The following PTPRD variants were observed in gnomAD, a reference collection of about 807,000 sequenced individuals.
PTPRD encodes protein tyrosine phosphatase receptor type D, also known as receptor-type tyrosine-protein phosphatase delta.
Under a neutral mutation model 214.5 loss-of-function variants are expected in PTPRD, and 34 were observed. The ratio of observed to expected loss-of-function variants is 0.16; its 90% CI spans 0.12 to 0.21. PTPRD has a LOEUF of 0.21. Among genes scored for constraint, PTPRD ranks in the 10% least tolerant of loss-of-function variants. PTPRD has a pLI of 1.00. For synonymous variants in PTPRD, 1,128 were observed against 845.7 expected, an observed-to-expected ratio of 1.33 and a Z score of -5.79; for missense variants, 2,545 against 2,398.7, an observed-to-expected ratio of 1.06 and a Z score of -1.27.
At chr9:10,438,291 A>G (rs1037504874) in intron 2 of PTPRD, among the ~76,000 whole-genome samples, 1 of 151,566 alleles carries the variant, frequency 6.6e-6, no homozygotes, top group Admixed American at 6.6e-5. Flanking sequence ...AGCATCTGGA[A>G]TTATAAGGGT....
intron 3 of PTPRD, among the ~76,000 whole-genome samples, chr9:10,306,136 G>A (rs1324914746): frequency 6.6e-6 from 1 of 151,928 alleles, no homozygotes; most frequent in African/African-American, 2.4e-5. Flanking sequence ...CATGGATGAA[G>A]CTGGAAACCA....
intron 3 of PTPRD, among the ~76,000 whole-genome samples, chr9:10,276,037 G>C (rs372766463): frequency 6.6e-6 from 1 of 152,156 alleles, no homozygotes; most frequent in Non-Finnish European, 1.5e-5. Context: ...TTGGACCTTA[G>C]TGACCCTGTA....
At chr9:10,336,185 A>G (rs2096841057) in intron 3 of PTPRD, among the ~76,000 whole-genome samples, 1 of 151,832 alleles carries the variant, frequency 6.6e-6, no homozygotes, top group Non-Finnish European at 1.5e-5. Context: ...TCTAATTAAT[A>G]AATGTGAATA....
chr9:10,384,587 G>T (rs1017746941), intron 2 of PTPRD, among the ~76,000 whole-genome samples: 1 of 151,506 alleles, frequency 6.6e-6, no homozygotes, highest in African/African-American at 2.4e-5. Context: ...CTAGTCAACA[G>T]AGTAAAATAT....
intron 10 of PTPRD, among the ~76,000 whole-genome samples, chr9:9,102,017 A>T (rs746344122): frequency 6.6e-6 from 1 of 152,204 alleles, no homozygotes; most frequent in Non-Finnish European, 1.5e-5. Flanking sequence ...TGCTTAACAT[A>T]AATGATCAAA....
intron 14 of PTPRD, among the ~76,000 whole-genome samples, chr9:8,547,641 T>TAAAAAAAAAAAA (rs759867541): frequency 9.0e-6 from 1 of 110,972 alleles, no homozygotes; most frequent in Non-Finnish European, 1.9e-5. Context: ...GAATCCTATT[T>TAAAAAAAAAAAA]AAAAAAAAAA....
chr9:9,321,993 T>C (rs1471684454), intron 9 of PTPRD, among the ~76,000 whole-genome samples: 1 of 152,212 alleles, frequency 6.6e-6, no homozygotes, highest in East Asian at 1.9e-4. Flanking sequence ...CTGGTAAGTA[T>C]TACAGTCTTA....
intron 10 of PTPRD, among the ~76,000 whole-genome samples, chr9:9,022,191 A>G (rs2099572324): frequency 6.6e-6 from 1 of 152,158 alleles, no homozygotes; most frequent in South Asian, 2.1e-4. Context: ...CAGTAAGCTA[A>G]GGTTAACTGA....
At chr9:8,739,497 C>A (rs2091363220) in intron 11 of PTPRD, among the ~76,000 whole-genome samples, 1 of 152,138 alleles carries the variant, frequency 6.6e-6, no homozygotes, top group Non-Finnish European at 1.5e-5. Context: ...ATTTACACAG[C>A]CACATGTGGC....
intron 12 of PTPRD, among the ~76,000 whole-genome samples, chr9:8,660,267 C>T (rs764260170): frequency 7.3e-5 from 11 of 151,392 alleles, no homozygotes; most frequent in Non-Finnish European, 1.3e-4. Context: ...TAGCCATACA[C>T]GTAACAGGGA....
In PTPRD at chr9:9,480,903, G is replaced by A. The variant is rs564238160; in HGVS notation, c.-236-83421C>T. 2.6e-5 allele frequency among the ~76,000 whole-genome samples: 4 copies of A among 152,272 alleles called. No homozygotes were observed. In the South Asian group the frequency reaches 8.3e-4, roughly 32 times the overall value. Reference sequence around the variant, plus strand: ...ATGGAACTGTCAAAGGATTAATCATGCTGTCTACAGGCTTCCTTCATATGC... The same window carrying A: ...ATGGAACTGTCAAAGGATTAATCATACTGTCTACAGGCTTCCTTCATATGC... On this transcript the variant is annotated intron_variant, in intron 8 of 45. Coordinates refer to ENST00000381196, the MANE Select transcript of PTPRD (RefSeq NM_002839.4).
At chr9:10,459,423 G>C (rs1293643147) in intron 2 of PTPRD, among the ~76,000 whole-genome samples, 1 of 152,048 alleles carries the variant, frequency 6.6e-6, no homozygotes, top group East Asian at 1.9e-4. Flanking sequence ...CCCAGTAATG[G>C]GATTGCTGGG....
intron 5 of PTPRD, among the ~76,000 whole-genome samples, chr9:9,817,415 T>A (rs1368134414): frequency 6.6e-6 from 1 of 152,160 alleles, no homozygotes; most frequent in Non-Finnish European, 1.5e-5. Flanking sequence ...GTAAGTTGGT[T>A]ATTTATAGAT....
chr9:8,548,733 T>C (rs1434183134), intron 14 of PTPRD, among the ~76,000 whole-genome samples: 1 of 128,394 alleles, frequency 7.8e-6, no homozygotes, highest in African/African-American at 3.0e-5. Context: ...TCTCTCTTGT[T>C]GCCCAGGCTA....
intron 10 of PTPRD, among the ~76,000 whole-genome samples, chr9:9,062,874 C>T (rs540219599): frequency 2.0e-5 from 3 of 152,162 alleles, no homozygotes; most frequent in Non-Finnish European, 4.4e-5. Context: ...AAATAAATAA[C>T]TTCCGCTTAT....
At chr9:10,112,883 A>G (rs1291250434) in intron 3 of PTPRD, among the ~76,000 whole-genome samples, 6 of 152,198 alleles carry the variant, frequency 3.9e-5, no homozygotes, top group Non-Finnish European at 8.8e-5. Context: ...ACTAGTATAG[A>G]CCAGTTCTCT....
chr9:10,363,917 T>C (rs1015705135), intron 2 of PTPRD, among the ~76,000 whole-genome samples: 6 of 151,790 alleles, frequency 4.0e-5, no homozygotes, highest in South Asian at 2.1e-4. Context: ...CTAAGTATTA[T>C]AGGAATTTTT....
At chr9:9,478,803 G>A (rs927671566) in intron 8 of PTPRD, among the ~76,000 whole-genome samples, 1 of 152,132 alleles carries the variant, frequency 6.6e-6, no homozygotes, top group Non-Finnish European at 1.5e-5. Flanking sequence ...GATGCTGCTC[G>A]AGTTTAATCC....
At chr9:10,525,243 T>G (rs2053880823) in intron 2 of PTPRD, among the ~76,000 whole-genome samples, 1 of 152,092 alleles carries the variant, frequency 6.6e-6, no homozygotes, top group Non-Finnish European at 1.5e-5. Flanking sequence ...TTTTCACAAA[T>G]TTCTGAAGAA....
Sources: allele counts gnomAD v4.1 joint callset (sites outside exome capture counted in the v4.1 genomes callset), GRCh38; gene constraint gnomAD v4.1.1; transcripts MANE v1.5; gene names NCBI Gene and HGNC (gene_info 2026-07-23, HGNC 2026-07-21).